CDPF1: variants seen among roughly 807,000 people sequenced by gnomAD.
The protein encoded by CDPF1 is cysteine rich DPF motif domain containing 1, also known as cysteine-rich DPF motif domain-containing protein 1.
A neutral mutation model predicts 8.3 loss-of-function variants in CDPF1; 8 were observed. That is an observed-to-expected ratio of 0.96 (90% confidence interval 0.57 to 1.74). The LOEUF (loss-of-function observed/expected upper bound fraction) is 1.74, where lower values mean the gene tolerates loss of function less well. Ranked by LOEUF, CDPF1 falls within the 40% of genes most tolerant of loss-of-function variation. The pLI is 0.00. For missense variants in CDPF1, 151 were observed against 155.3 expected, an observed-to-expected ratio of 0.97 and a Z score of 0.15; for synonymous variants, 62 against 62.9, an observed-to-expected ratio of 0.99 and a Z score of 0.07.
At position 46,249,655 on chromosome 22, in the gene CDPF1, A is replaced by AT. The variant is rs1160730115; in HGVS notation, c.-1+600dup. The stretch of plus-strand genomic sequence containing the variant: ...CAGGGCGAGACTCCTTCTCAAAAAA[A>AT]TAAAAATTAAAATTAAATAAAATAA... On this transcript the variant is annotated intron_variant, in intron 1 of 3. Coordinates refer to ENST00000314567, the MANE Select transcript of CDPF1 (RefSeq NM_207327.5). This position sits in a 1 kb window ranked among gnomAD's most constrained non-coding sequence, Gnocchi z 4.6. Among the ~76,000 whole-genome samples, 1 of 151,942 alleles carries AT rather than the reference A, an allele frequency of 6.6e-6. No individual in the cohort carries two copies. The highest frequency in any genetic ancestry group is 1.9e-4 in the East Asian group (1 of 5,182).
intron 1 of CDPF1, among the ~76,000 whole-genome samples, chr22:46,250,035 CAGCGCTGCCCG>C (rs1906204216): frequency 8.5e-5 from 13 of 152,222 alleles, no homozygotes; most frequent in Admixed American, 8.5e-4. Context: ...TCTCTCGCCC[CAGCGCTGCCCG>C]AGGTCAGGGG....
Position 46,245,277 on chromosome 22 carries a change from G to A in CDPF1, c.226-39C>T. On this transcript the variant is annotated intron_variant, in intron 3 of 3. Transcript: ENST00000314567. This position sits in a 1 kb window ranked among gnomAD's most constrained non-coding sequence, Gnocchi z 6.9. ...ACAAGGATGGAGGCTTGAGTATCCT[G>A]GGAACATGGTGCAGCTCCTCCCAGG... The A allele has an allele frequency of 6.2e-7, 1 of 1,607,894 alleles. No individual in the cohort carries two copies. The highest frequency in any genetic ancestry group is 8.5e-7 in the Non-Finnish European group (1 of 1,175,764).
At position 46,244,691 on chromosome 22, in the gene CDPF1, C is replaced by T. The variant is rs192011421; in HGVS notation, c.*401G>A. 4.0e-4 allele frequency: 79 copies of T among 197,462 alleles called. 1 individual carries two copies. The highest frequency in any genetic ancestry group is 1.8e-3 in the African/African-American group (77 of 42,864). The allele number at this position is 197,462 out of a possible 1,614,324, so 12.2% of individuals were successfully genotyped here. A position where few individuals can be genotyped will look rare whatever the true frequency, so the allele number is the denominator to read the frequency against. On this transcript the variant is annotated 3_prime_UTR_variant, in exon 4 of 4. Coordinates refer to ENST00000314567, the MANE Select transcript of CDPF1 (RefSeq NM_207327.5). This position sits in a 1 kb window ranked among gnomAD's most constrained non-coding sequence, Gnocchi z 6.7. Reference sequence around the variant, plus strand: ...TTCCTTACAGAGAGACCATTGCAGCCACCTACAGTGCACCATGGCCCCGAC... The same window carrying T: ...TTCCTTACAGAGAGACCATTGCAGCTACCTACAGTGCACCATGGCCCCGAC...
chr22:46,248,974 G>A lies in CDPF1; in HGVS notation c.1-690C>T, dbSNP rs1232480261. On this transcript the variant is annotated intron_variant, in intron 1 of 3. Coordinates refer to ENST00000314567, the MANE Select transcript of CDPF1 (RefSeq NM_207327.5). This position sits in a 1 kb window ranked among gnomAD's most constrained non-coding sequence, Gnocchi z 4.1. Reference sequence around the variant, plus strand: ...ACGGAGCTTGCAGTGAGCCGAGATCGCGTCACTGCACTCCAGCCTGGGAGA... The same window carrying A: ...ACGGAGCTTGCAGTGAGCCGAGATCACGTCACTGCACTCCAGCCTGGGAGA... 6.6e-6 allele frequency among the ~76,000 whole-genome samples: 1 copy of A among 152,030 alleles called. No homozygotes were observed. Among genetic ancestry groups the A allele is most frequent in the Non-Finnish European group, 1.5e-5 (1 of 68,040 alleles).
In CDPF1 at chr22:46,246,530, C is replaced by T. The variant is rs553474125; in HGVS notation, c.225+580G>A. On this transcript the variant is annotated intron_variant, in intron 3 of 3. Transcript: ENST00000314567. The surrounding 1 kb of genome is among the most constrained non-coding windows in gnomAD (Gnocchi z 7.1). ...TCAGACTCTGGGGTCACTCTGAGTA[C>T]ACTGGGCACGCTGTGAAAGCCATGC... 6 of 1,005,792 alleles carry T rather than the reference C, an allele frequency of 6.0e-6. No homozygotes were observed. In the South Asian group the frequency reaches 6.7e-5, roughly 11 times the overall value. 62.3% of individuals were successfully genotyped at this position (1,005,792 alleles called of 1,614,324 possible).
Position 46,246,597 on chromosome 22 carries a change from T to A in CDPF1, c.225+513A>T. 1 of 1,507,672 alleles carries A rather than the reference T, an allele frequency of 6.6e-7. No individual in the cohort carries two copies. The highest frequency in any genetic ancestry group is 1.4e-5 in the African/African-American group (1 of 72,098). 93.4% of individuals were successfully genotyped at this position (1,507,672 alleles called of 1,614,324 possible). A position where few individuals can be genotyped will look rare whatever the true frequency, so the allele number is the denominator to read the frequency against. On this transcript the variant is annotated intron_variant, in intron 3 of 3. Transcript: ENST00000314567. This position sits in a 1 kb window ranked among gnomAD's most constrained non-coding sequence, Gnocchi z 7.1. ...GTCCTTGGGTTTACAGCTACCCAGG[T>A]GAACCTGGCCCACCCAGCCTCTCTG...
In CDPF1 at chr22:46,249,035, A is replaced by C. The variant is rs942399346; in HGVS notation, c.1-751T>G. 1.3e-5 allele frequency among the ~76,000 whole-genome samples: 2 copies of C among 151,576 alleles called. No individual in the cohort carries two copies. Among genetic ancestry groups the C allele is most frequent in the African/African-American group, 4.8e-5 (2 of 41,354 alleles). On this transcript the variant is annotated intron_variant, in intron 1 of 3. Coordinates refer to ENST00000314567, the MANE Select transcript of CDPF1 (RefSeq NM_207327.5). This position sits in a 1 kb window ranked among gnomAD's most constrained non-coding sequence, Gnocchi z 4.6. The stretch of plus-strand genomic sequence containing the variant: ...CCATCTCAAAAAACAAACAAACAAA[A>C]AAACTGTTTTCTTATCTGCTTGTAT...
At position 46,245,278 on chromosome 22, in the gene CDPF1, G is replaced by C. The variant is rs746359736; in HGVS notation, c.226-40C>G. ...CAAGGATGGAGGCTTGAGTATCCTG[G>C]GAACATGGTGCAGCTCCTCCCAGGG... On this transcript the variant is annotated intron_variant, in intron 3 of 3. Transcript: ENST00000314567. This position sits in a 1 kb window ranked among gnomAD's most constrained non-coding sequence, Gnocchi z 6.9. 1.2e-6 allele frequency: 2 copies of C among 1,607,164 alleles called. No homozygotes were observed. Among genetic ancestry groups the C allele is most frequent in the Non-Finnish European group, 1.7e-6 (2 of 1,175,428 alleles).
Position 46,248,255 on chromosome 22 carries a change from C to T in CDPF1, c.30G>A (p.Leu10=). MASHVECRP[L]GVFECELCTL... is the part of the protein sequence containing the mutation. ...TACAGAGTTCACACTCAAACACTCC[C>T]AGAGGACGGCACTCTACATGGGACG... The change falls in exon 2 of 4, where the codon CTG becomes CTA. Residue 10 remains leucine (L), a synonymous_variant. Transcript: ENST00000314567. This position sits in a 1 kb window ranked among gnomAD's most constrained non-coding sequence, Gnocchi z 4.1. 1 of 1,613,596 alleles carries T rather than the reference C, an allele frequency of 6.2e-7. No homozygotes were observed. Among genetic ancestry groups the T allele is most frequent in the Non-Finnish European group, 8.5e-7 (1 of 1,179,766 alleles).
In CDPF1 at chr22:46,248,196, T is replaced by G. The variant is rs1048980837; in HGVS notation, c.89A>C (p.Lys30Thr). Reference sequence around the variant, plus strand: ...CACCATCGACTGGGTGTTGGGGGGCTTCTGTCCCACATAGCTGTACGGAGC... The same window carrying G: ...CACCATCGACTGGGTGTTGGGGGGCGTCTGTCCCACATAGCTGTACGGAGC... ...LTAPYSYVGQKPPNTQSMVLL... is the reference protein window; with the variant it reads ...LTAPYSYVGQTPPNTQSMVLL... The change falls in exon 2 of 4, where the codon AAG (lysine) becomes ACG (threonine). Residue 30 changes from lysine (K) to threonine (T), a missense_variant. Lys to Thr is a moderately conservative substitution (Grantham distance 78). Coordinates refer to ENST00000314567, the MANE Select transcript of CDPF1 (RefSeq NM_207327.5). This position sits in a 1 kb window ranked among gnomAD's most constrained non-coding sequence, Gnocchi z 4.1. The G allele has an allele frequency of 1.9e-6, 3 of 1,613,256 alleles. No individual in the cohort carries two copies. In the African/African-American group the frequency reaches 4.0e-5, roughly 22 times the overall value.
chr22:46,247,686 G>A lies in CDPF1; in HGVS notation c.114-465C>T, dbSNP rs1936512536. Among the ~76,000 whole-genome samples, 2 of 152,214 alleles carry A rather than the reference G, an allele frequency of 1.3e-5. No homozygotes were observed. The highest frequency in any genetic ancestry group is 4.8e-5 in the African/African-American group (2 of 41,462). On this transcript the variant is annotated intron_variant, in intron 2 of 3. Transcript: ENST00000314567. This position sits in a 1 kb window ranked among gnomAD's most constrained non-coding sequence, Gnocchi z 4.3. ...ATGACACTCAGGCTCCTGGTCAGCA[G>A]AGGGACGACAGCCAGAAGGAAAAAG...
Position 46,246,045 on chromosome 22 carries a change from T to C in CDPF1, c.226-807A>G, listed in dbSNP as rs1377429937. Among the ~76,000 whole-genome samples the C allele has an allele frequency of 6.6e-6, 1 of 152,234 alleles. No individual in the cohort carries two copies. The highest frequency in any genetic ancestry group is 1.5e-5 in the Non-Finnish European group (1 of 68,038). On this transcript the variant is annotated intron_variant, in intron 3 of 3. Transcript: ENST00000314567. This position sits in a 1 kb window ranked among gnomAD's most constrained non-coding sequence, Gnocchi z 7.1. ...TTCTGGACTCTTACATAGGAGAAAG[T>C]AAGTAAATAACTATTTGCTTTACTT...
At position 46,246,313 on chromosome 22, in the gene CDPF1, C is replaced by T. The variant is rs1035960503; in HGVS notation, c.225+797G>A. Among the ~76,000 whole-genome samples the T allele has an allele frequency of 5.3e-5, 8 of 151,824 alleles. No homozygotes were observed. Among genetic ancestry groups the T allele is most frequent in the Non-Finnish European group, 7.4e-5 (5 of 67,934 alleles). Reference sequence around the variant, plus strand: ...GGTGTTGCATTCAAGACCTCCACCTCCCCACCTGGCCCACCCACCTTTGCA... The same window carrying T: ...GGTGTTGCATTCAAGACCTCCACCTTCCCACCTGGCCCACCCACCTTTGCA... On this transcript the variant is annotated intron_variant, in intron 3 of 3. Transcript: ENST00000314567. The surrounding 1 kb of genome is among the most constrained non-coding windows in gnomAD (Gnocchi z 7.1).
At chr22:46,250,110 G>C (rs1936555568) in intron 1 of CDPF1, 146 bp downstream of exon 1, 1 of 152,372 alleles carries the variant, frequency 6.6e-6, no homozygotes, top group Non-Finnish European at 1.5e-5. Context: ...CCAAAGCTGA[G>C]AGCGGCTGCG....
chr22:46,247,870 G>A lies in CDPF1; in HGVS notation c.113+302C>T, dbSNP rs1047633905. 2.6e-5 allele frequency among the ~76,000 whole-genome samples: 4 copies of A among 152,218 alleles called. No individual in the cohort carries two copies. The highest frequency in any genetic ancestry group is 2.6e-4 in the Admixed American group (4 of 15,290). ...GGGAGACAGGCCTCCCATTAAGAAA[G>A]TGTCATGGCAAGGGTGCAGCCCCAA... is the stretch of plus-strand genomic sequence containing the variant. On this transcript the variant is annotated intron_variant, in intron 2 of 3. Coordinates refer to ENST00000314567, the MANE Select transcript of CDPF1 (RefSeq NM_207327.5). The surrounding 1 kb of genome is among the most constrained non-coding windows in gnomAD (Gnocchi z 4.3).
rs936029422 is a variant in CDPF1, at chr22:46,246,012, G to A, written c.226-774C>T. Among the ~76,000 whole-genome samples the A allele has an allele frequency of 6.6e-6, 1 of 152,190 alleles. No homozygotes were observed. Among genetic ancestry groups the A allele is most frequent in the Admixed American group, 6.5e-5 (1 of 15,290 alleles). Reference sequence around the variant, plus strand: ...CAACAGGGGTGCCCTTCCAGCCAAGGCCACCAGTTCTGGACTCTTACATAG... The same window carrying A: ...CAACAGGGGTGCCCTTCCAGCCAAGACCACCAGTTCTGGACTCTTACATAG... On this transcript the variant is annotated intron_variant, in intron 3 of 3. Transcript: ENST00000314567. This position sits in a 1 kb window ranked among gnomAD's most constrained non-coding sequence, Gnocchi z 7.1.
At position 46,248,280 on chromosome 22, in the gene CDPF1, G is replaced by A. The variant is rs61748935; in HGVS notation, c.5C>T (p.Ala2Val). MASHVECRPLGV... is the reference protein window; with the variant it reads MVSHVECRPLGV... ...CAGAGGACGGCACTCTACATGGGAC[G>A]CCATCTGCAAGATCAAGAGATGGGG... The change falls in exon 2 of 4, where the codon GCG (alanine) becomes GTG (valine). Residue 2 changes from alanine to valine, a missense_variant. Coordinates refer to ENST00000314567, the MANE Select transcript of CDPF1 (RefSeq NM_207327.5). The surrounding 1 kb of genome is among the most constrained non-coding windows in gnomAD (Gnocchi z 4.1). 0.055 allele frequency: 88,644 copies of A among 1,599,254 alleles called. 3,444 individuals are homozygous for A. Among genetic ancestry groups the A allele is most frequent in the African/African-American group, 0.19 (13,934 of 74,354 alleles).
rs932078046 is a variant in CDPF1, at chr22:46,245,535, C to T, written c.226-297G>A. Among the ~76,000 whole-genome samples, 4 of 152,224 alleles carry T rather than the reference C, an allele frequency of 2.6e-5. No homozygotes were observed. The highest frequency in any genetic ancestry group is 4.4e-5 in the Non-Finnish European group (3 of 68,026). Reference sequence around the variant, plus strand: ...ACGGGGCAGTGACAACAATGGAAAGCTGGAGCACAGGCCATGCCCCGAAAA... The same window carrying T: ...ACGGGGCAGTGACAACAATGGAAAGTTGGAGCACAGGCCATGCCCCGAAAA... On this transcript the variant is annotated intron_variant, in intron 3 of 3. Coordinates refer to ENST00000314567, the MANE Select transcript of CDPF1 (RefSeq NM_207327.5). The surrounding 1 kb of genome is among the most constrained non-coding windows in gnomAD (Gnocchi z 6.9).
rs1270269950 is a variant in CDPF1, at chr22:46,248,252, T to C, written c.33A>G (p.Gly11=). The change falls in exon 2 of 4, where the codon GGA becomes GGG. Residue 11 remains glycine, a synonymous_variant. Transcript: ENST00000314567. The surrounding 1 kb of genome is among the most constrained non-coding windows in gnomAD (Gnocchi z 4.1). The part of the protein sequence containing the change: MASHVECRPL[G]VFECELCTLT... ...AGGTACAGAGTTCACACTCAAACAC[T>C]CCCAGAGGACGGCACTCTACATGGG... 3 of 1,613,446 alleles carry C rather than the reference T, an allele frequency of 1.9e-6. No homozygotes were observed. The highest frequency in any genetic ancestry group is 2.5e-6 in the Non-Finnish European group (3 of 1,179,792).
Sources: allele counts gnomAD v4.1 joint callset (sites outside exome capture counted in the v4.1 genomes callset), GRCh38; gene constraint gnomAD v4.1.1; non-coding constraint Gnocchi (gnomAD v3.1); transcripts MANE v1.5; gene names NCBI Gene and HGNC (gene_info 2026-07-23, HGNC 2026-07-21).